The following TNS1 variants were observed in gnomAD, a reference collection of about 807,000 sequenced individuals.
TNS1 encodes the protein tensin 1, also known as tensin-1.
Under a neutral mutation model 168.6 loss-of-function variants are expected in TNS1, and 62 were observed. The ratio of observed to expected loss-of-function variants is 0.37; its 90% CI spans 0.30 to 0.45. The LOEUF (loss-of-function observed/expected upper bound fraction) is 0.45, where lower values mean the gene tolerates loss of function less well. TNS1 is among the 20% of genes least tolerant of loss of function. The pLI is 1.00. For missense variants in TNS1, 2,240 were observed against 2,339.4 expected, an observed-to-expected ratio of 0.96 and a Z score of 0.88; for synonymous variants, 934 against 933.2, an observed-to-expected ratio of 1.00 and a Z score of -0.02.
upstream of TNS1, among the ~76,000 whole-genome samples, chr2:218,012,239 C>T (rs1481312496): frequency 6.6e-6 from 1 of 152,198 alleles, no homozygotes; most frequent in East Asian, 1.9e-4. Context: ...AAAGGAATCA[C>T]TTGTGGAATT....
intron 25 of TNS1, among the ~76,000 whole-genome samples, chr2:217,814,340 G>A (rs182442261): frequency 1.6e-4 from 24 of 152,220 alleles, no homozygotes; most frequent in Admixed American, 5.9e-4. Flanking sequence ...GTAAATGGCC[G>A]GAGAGTAAAT....
intron 3 of TNS1, among the ~76,000 whole-genome samples, chr2:217,974,267 C>A (rs996403530): frequency 6.6e-6 from 1 of 152,000 alleles, no homozygotes; most frequent in Non-Finnish European, 1.5e-5. Flanking sequence ...GAATTATACC[C>A]CAATTAGAAA....
upstream of TNS1, among the ~76,000 whole-genome samples, chr2:218,005,625 C>G (rs952222229): frequency 5.9e-5 from 9 of 152,226 alleles, no homozygotes. Context: ...CACCCCAACC[C>G]ACACACGGGC....
intron 32 of TNS1, among the ~76,000 whole-genome samples, chr2:217,805,492 A>ATAC (rs1938467203): frequency 8.7e-5 from 2 of 23,080 alleles, no homozygotes; most frequent in African/African-American, 1.6e-4. Context: ...CACCACACAC[A>ATAC]CACCACACAC....
intron 5 of TNS1, 116 bp downstream of exon 5, chr2:217,907,094 G>A: frequency 1.5e-6 from 1 of 654,478 alleles, no homozygotes; most frequent in South Asian, 1.7e-5. Context: ...ATCTACTCCG[G>A]AAGCATTTCC....
rs185788880 is a variant in TNS1, at chr2:217,841,278, G to A, written c.3008-5067C>T. 5.3e-5 allele frequency: 52 copies of A among 985,070 alleles called. No homozygotes were observed. In the East Asian group the frequency reaches 2.7e-3, roughly 52 times the overall value. 61.0% of individuals were successfully genotyped at this position (985,070 alleles called of 1,614,324 possible). A position where few individuals can be genotyped will look rare whatever the true frequency, so the allele number is the denominator to read the frequency against. ...TGTGTCCGATGCCCTGCAGCCTGGCGTTGTACGCTGCCCACCCCCCACCCC... is the reference window on the plus strand; with the variant it reads ...TGTGTCCGATGCCCTGCAGCCTGGCATTGTACGCTGCCCACCCCCCACCCC... On this transcript the variant is annotated intron_variant, in intron 19 of 32. Transcript: ENST00000682258.
chr2:217,873,943 C>A (rs1336427888), intron 18 of TNS1, among the ~76,000 whole-genome samples: 1 of 151,996 alleles, frequency 6.6e-6, no homozygotes, highest in Non-Finnish European at 1.5e-5. Context: ...CCCTTCCTAA[C>A]CCTAAATATG....
At chr2:217,950,518 G>A (rs139712284) in intron 3 of TNS1, among the ~76,000 whole-genome samples, 1,657 of 151,966 alleles carry the variant, frequency 0.011, 11 homozygotes, top group Middle Eastern at 0.058. Context: ...CTCCTGGGCT[G>A]GGGGAGGTGA....
At position 217,912,146 on chromosome 2, in the gene TNS1, G is replaced by C. The variant is rs186588467; in HGVS notation, c.229-4895C>G. 1.0e-4 allele frequency among the ~76,000 whole-genome samples: 16 copies of C among 152,384 alleles called. No homozygotes were observed. In the East Asian group the frequency reaches 2.7e-3, roughly 26 times the overall value. ...GAGGGGCCTTTCTGCTGGAAGGTTG[G>C]GGGGTGGCTGCCAGGACGGCCTAGA... On this transcript the variant is annotated intron_variant, in intron 4 of 32. Transcript: ENST00000682258.
At chr2:218,006,065 C>T (rs1958654480), upstream of TNS1, among the ~76,000 whole-genome samples, 1 of 152,236 alleles carries the variant, frequency 6.6e-6, no homozygotes. Flanking sequence ...AGAACCCAGC[C>T]CCAACCCTGT....
intron 2 of TNS1, among the ~76,000 whole-genome samples, chr2:217,990,070 C>T (rs112326794): frequency 0.045 from 6,657 of 148,198 alleles, 177 homozygotes; most frequent in Non-Finnish European, 0.064. Context: ...ATCATCCACA[C>T]GCCATCCACA....
chr2:217,895,066 G>T lies in TNS1; in HGVS notation c.544-10C>A. The T allele has an allele frequency of 6.2e-7, 1 of 1,608,932 alleles. No individual in the cohort carries two copies. On this transcript the variant is annotated splice_polypyrimidine_tract_variant and intron_variant, in intron 8 of 32. Transcript: ENST00000682258. ...CAGAGAGGTTGAACAGCTAGAAGGA[G>T]CAAAAGGAAGAGAGCATGAGGAGGT...
intron 32 of TNS1, among the ~76,000 whole-genome samples, chr2:217,807,482 T>A (rs1402643819): frequency 6.6e-6 from 1 of 152,204 alleles, no homozygotes; most frequent in Non-Finnish European, 1.5e-5. Flanking sequence ...AGCATCTTAG[T>A]GCTATTTAGA....
upstream of TNS1, among the ~76,000 whole-genome samples, chr2:218,014,905 AAGGAAGGAAGGAAGGAAGGCAGGC>A (rs1479291811): frequency 2.7e-3 from 372 of 138,448 alleles, 2 homozygotes; most frequent in African/African-American, 8.1e-3. Context: ...GGAAGGAAGG[AAGGAAGGAAGGAAGGAAGGCAGGC>A]AGGCAGGCAG....
At chr2:217,925,529 C>T (rs1559365607) in intron 3 of TNS1, among the ~76,000 whole-genome samples, 1 of 152,182 alleles carries the variant, frequency 6.6e-6, no homozygotes, top group Non-Finnish European at 1.5e-5. Flanking sequence ...GACAGCTTTG[C>T]CCCTAGCTTA....
At chr2:217,833,697 G>A (rs1191427315) in intron 21 of TNS1, among the ~76,000 whole-genome samples, 5 of 152,248 alleles carry the variant, frequency 3.3e-5, no homozygotes, top group African/African-American at 7.2e-5. Context: ...CAGCAGTCAC[G>A]AGCCACACAT....
At chr2:217,923,024 C>T (rs144544071) in intron 3 of TNS1, among the ~76,000 whole-genome samples, 814 of 152,240 alleles carry the variant, frequency 5.3e-3, no homozygotes, top group Middle Eastern at 0.01. Flanking sequence ...CTCAGGAGCC[C>T]GGAATGTGCC....
Position 217,813,475 on chromosome 2 carries a change from C to T in TNS1, c.4862-168G>A, listed in dbSNP as rs933755519. On this transcript the variant is annotated intron_variant, in intron 26 of 32. Transcript: ENST00000682258. This position sits in a 1 kb window ranked among gnomAD's most constrained non-coding sequence, Gnocchi z 4.0. ...GGACTGCAGAGCCCACTGCTGCTCTCCCACCCCTCAGGAAACACATGGCAG... is the reference window on the plus strand; with the variant it reads ...GGACTGCAGAGCCCACTGCTGCTCTTCCACCCCTCAGGAAACACATGGCAG... 6.6e-5 allele frequency among the ~76,000 whole-genome samples: 10 copies of T among 152,214 alleles called. No homozygotes were observed. Among genetic ancestry groups the T allele is most frequent in the Admixed American group, 5.9e-4 (9 of 15,290 alleles).
chr2:217,894,560 G>A (rs947560402), intron 9 of TNS1, among the ~76,000 whole-genome samples: 2 of 152,178 alleles, frequency 1.3e-5, no homozygotes, highest in Non-Finnish European at 1.5e-5. Context: ...GGAAGGCTGA[G>A]GCAGGAGAAT....
Sources: allele counts gnomAD v4.1 joint callset (sites outside exome capture counted in the v4.1 genomes callset), GRCh38; gene constraint gnomAD v4.1.1; non-coding constraint Gnocchi (gnomAD v3.1); transcripts MANE v1.5; gene names NCBI Gene and HGNC (gene_info 2026-07-23, HGNC 2026-07-21).